SH3TC1: variants seen among roughly 807,000 people sequenced by gnomAD.
The protein encoded by SH3TC1 is SH3 domain and tetratricopeptide repeats 1.
A neutral mutation model predicts 117.3 loss-of-function variants in SH3TC1; 135 were observed. The ratio of observed to expected loss-of-function variants is 1.15; its 90% CI spans 1.00 to 1.33. SH3TC1 has a LOEUF of 1.33. SH3TC1 is among the 40% of genes most tolerant of loss of function. SH3TC1 has a pLI of 0.00. For missense variants in SH3TC1, 2,092 were observed against 1,794.3 expected (o/e 1.17, Z -3.00); for synonymous variants, 898 against 816.9 (o/e 1.10, Z -1.69).
Position 8,237,667 on chromosome 4 carries a change from G to T in SH3TC1, c.3750G>T (p.Leu1250=). ...TCGGTGACATCATCTTCTACGACCT[G>T]AAGGTGGGTGGGGAGGGGCTGGGCT... ...LVLGDIIFYD[L]KDPFDAAGYY... Residue 1250 remains leucine, a synonymous_variant, in exon 17 of 18, where the codon CTG becomes CTT. Coordinates refer to ENST00000245105, the MANE Select transcript of SH3TC1 (RefSeq NM_018986.5). 1 of 1,597,018 alleles carries T rather than the reference G, an allele frequency of 6.3e-7. No homozygotes were observed. The highest frequency in any genetic ancestry group is 8.6e-7 in the Non-Finnish European group (1 of 1,169,536).
intron 1 of SH3TC1, among the ~76,000 whole-genome samples, chr4:8,199,867 A>G (rs1409592267): frequency 6.6e-6 from 1 of 152,146 alleles, no homozygotes; most frequent in Non-Finnish European, 1.5e-5. Flanking sequence ...AGTGGCTATA[A>G]CTGGCCACTC....
Position 8,228,043 on chromosome 4 carries a change from G to A in SH3TC1, c.2349G>A (p.Ala783=), listed in dbSNP as rs781547650. ...CCCTGACCCCGGGCACAGGCCAGGC[G>A]CTGCGCGGCCCCCTCTACACCAGCT... The part of the protein sequence containing the change: ...LASLTPGTGQ[A]LRGPLYTSLA... Residue 783 remains alanine, a synonymous_variant, in exon 12 of 18, where the codon GCG becomes GCA. Coordinates refer to ENST00000245105, the MANE Select transcript of SH3TC1 (RefSeq NM_018986.5). The A allele has an allele frequency of 1.8e-5, 29 of 1,606,538 alleles. No individual in the cohort carries two copies. The Admixed American group carries it at 2.7e-4, about 15-fold the overall frequency.
chr4:8,226,882 C>T (rs1011839295), intron 11 of SH3TC1, 98 bp from the exon 12 acceptor site: 23 of 860,156 alleles, frequency 2.7e-5, no homozygotes, highest in Middle Eastern at 3.0e-4. Flanking sequence ...AGTGCTGCGC[C>T]GGGGACACAG....
intron 14 of SH3TC1, 92 bp downstream of exon 14, chr4:8,233,605 A>G (rs948082393): frequency 1.4e-6 from 2 of 1,411,560 alleles, no homozygotes; most frequent in Admixed American, 5.1e-5. Context: ...TGATCCTTCC[A>G]TCATCTATCC....
At chr4:8,187,934 G>A (rs991487937) in intron 1 of SH3TC1, among the ~76,000 whole-genome samples, 5 of 152,110 alleles carry the variant, frequency 3.3e-5, no homozygotes, top group African/African-American at 1.2e-4. Context: ...TTTGGCCACT[G>A]GGAGCTCTTT....
At position 8,228,717 on chromosome 4, in the gene SH3TC1, A is replaced by C. The variant is rs114395741; in HGVS notation, c.2950+73A>C. ...AGGGCACACCTGGGGTTTGTGATTC[A>C]GACACAAGCGGTGGTTTTTCCACCA... On this transcript the variant is annotated intron_variant, in intron 12 of 17. Coordinates refer to ENST00000245105, the MANE Select transcript of SH3TC1 (RefSeq NM_018986.5). 180 of 1,242,832 alleles carry C rather than the reference A, an allele frequency of 1.4e-4. 2 individuals are homozygous for C. In the African/African-American group the frequency reaches 2.5e-3, roughly 17 times the overall value. 77.0% of individuals were successfully genotyped at this position (1,242,832 alleles called of 1,614,324 possible). A position where few individuals can be genotyped will look rare whatever the true frequency, so the allele number is the denominator to read the frequency against.
At position 8,238,307 on chromosome 4, in the gene SH3TC1, G is replaced by T. The variant is rs559350140; in HGVS notation, c.3753+637G>T. Among the ~76,000 whole-genome samples, 10 of 152,328 alleles carry T rather than the reference G, an allele frequency of 6.6e-5. No individual in the cohort carries two copies. The East Asian group carries it at 1.9e-3, about 29-fold the overall frequency. ...AGACAGCCAGGCTGAGGCCTTGCTG[G>T]TCGGGTCTGTCTGGAGAGGAGGTGC... is the stretch of plus-strand genomic sequence containing the variant. On this transcript the variant is annotated intron_variant, in intron 17 of 17. Coordinates refer to ENST00000245105, the MANE Select transcript of SH3TC1 (RefSeq NM_018986.5).
At chr4:8,220,068 C>A (rs1441707500) in intron 9 of SH3TC1, among the ~76,000 whole-genome samples, 1 of 152,200 alleles carries the variant, frequency 6.6e-6, no homozygotes, top group African/African-American at 2.4e-5. Flanking sequence ...TCTCCTAGCA[C>A]CCATCCAACT....
chr4:8,184,785 C>T (rs906126183), intron 1 of SH3TC1, among the ~76,000 whole-genome samples: 5 of 152,022 alleles, frequency 3.3e-5, no homozygotes, highest in African/African-American at 7.3e-5. Context: ...GTGAGATTGT[C>T]GTATACATTT....
intron 2 of SH3TC1, among the ~76,000 whole-genome samples, chr4:8,207,895 A>T (rs34837247): frequency 0.04 from 6,050 of 152,150 alleles, 139 homozygotes; most frequent in South Asian, 0.11. Flanking sequence ...TTGGGCCGGA[A>T]CTCTATCAAC....
intron 13 of SH3TC1, 70 bp downstream of exon 13, chr4:8,232,226 G>A (rs935312710): frequency 1.0e-4 from 135 of 1,337,858 alleles, no homozygotes; most frequent in Admixed American, 4.6e-5. Flanking sequence ...GGGGGCACAG[G>A]GAAGCTGGCC....
At position 8,235,519 on chromosome 4, in the gene SH3TC1, G is replaced by C; in HGVS notation, c.3369G>C (p.Gly1123=). The C allele has an allele frequency of 6.2e-7, 1 of 1,606,838 alleles. No individual in the cohort carries two copies. Among genetic ancestry groups the C allele is most frequent in the South Asian group, 1.1e-5 (1 of 90,038 alleles). ...FEAAGDIFFD[G]AWEREKAVSF... Reference sequence around the variant, plus strand: ...CGGCTGGAGACATCTTCTTCGACGGGGCCTGGGAGCGGGAGAAAGCTGTGT... The same window carrying C: ...CGGCTGGAGACATCTTCTTCGACGGCGCCTGGGAGCGGGAGAAAGCTGTGT... Residue 1123 remains glycine (G), a synonymous_variant, in exon 15 of 18, where the codon GGG becomes GGC. Coordinates refer to ENST00000245105, the MANE Select transcript of SH3TC1 (RefSeq NM_018986.5).
intron 12 of SH3TC1, among the ~76,000 whole-genome samples, chr4:8,230,844 G>T (rs1721130656): frequency 6.8e-6 from 1 of 147,230 alleles, no homozygotes; most frequent in Non-Finnish European, 1.5e-5. Flanking sequence ...GTGCAGTGGT[G>T]CAATCTCGGC....
At chr4:8,200,867 G>A (rs1001012622) in intron 1 of SH3TC1, among the ~76,000 whole-genome samples, 2 of 152,210 alleles carry the variant, frequency 1.3e-5, no homozygotes, top group East Asian at 1.9e-4. Flanking sequence ...CCTCCTGCCC[G>A]GCTCCTCTGT....
chr4:8,222,944 C>A lies in SH3TC1; in HGVS notation c.1217C>A (p.Thr406Asn). The change falls in exon 10 of 18, where the codon ACC becomes AAC. Residue 406 changes from threonine (T) to asparagine (N), a missense_variant. Transcript: ENST00000245105. ...ARQLLRRMSG[T>N]DVCSVYSLDS... ...CAGTTGCTGAGGCGGATGTCGGGCA[C>A]CGATGTCTGCAGCGTGTACAGCCTG... 2 of 1,612,592 alleles carry A rather than the reference C, an allele frequency of 1.2e-6. No individual in the cohort carries two copies. The highest frequency in any genetic ancestry group is 1.7e-6 in the Non-Finnish European group (2 of 1,179,806).
Position 8,227,957 on chromosome 4 carries a change from G to T in SH3TC1, c.2263G>T (p.Ala755Ser), listed in dbSNP as rs1554137220. ...GAGTGTGAACCTGGTGCTCCAGAACGCCCCCCAGCCCCACAGCCTCCCTGC... is the reference window on the plus strand; with the variant it reads ...GAGTGTGAACCTGGTGCTCCAGAACTCCCCCCAGCCCCACAGCCTCCCTGC... The part of the protein sequence containing the change: ...LRSVNLVLQN[A>S]PQPHSLPAQT... The change falls in exon 12 of 18, where the codon GCC (alanine) becomes TCC (serine). Residue 755 changes from alanine to serine, a missense_variant. Transcript: ENST00000245105. The T allele has an allele frequency of 1.2e-6, 2 of 1,612,250 alleles. No homozygotes were observed.
At position 8,240,966 on chromosome 4, in the gene SH3TC1, C is replaced by CA; in HGVS notation, c.*13dup. On this transcript the variant is annotated 3_prime_UTR_variant, in exon 18 of 18. Transcript: ENST00000245105. ...AGCCACCCTCGCTGAGGACAGCATC[C>CA]AAGGGAGTGGGTTTTGTGCAAGGGC... 6.2e-7 allele frequency: 1 copy of CA among 1,606,344 alleles called. No individual in the cohort carries two copies. Among genetic ancestry groups the CA allele is most frequent in the South Asian group, 1.1e-5 (1 of 91,064 alleles).
At chr4:8,182,517 A>C (rs1216050678) in intron 1 of SH3TC1, among the ~76,000 whole-genome samples, 1 of 152,174 alleles carries the variant, frequency 6.6e-6, no homozygotes, top group Non-Finnish European at 1.5e-5. Flanking sequence ...CTGTCTCCCC[A>C]GGATCCCGAC....
In SH3TC1 at chr4:8,205,550, C is replaced by T. The variant is rs368159753; in HGVS notation, c.172+184C>T. ...TGTGTTTAACAGGAGCCACTGTGCCCGCTGAGTCACTTGAGAGGCCAGGGC... is the reference window on the plus strand; with the variant it reads ...TGTGTTTAACAGGAGCCACTGTGCCTGCTGAGTCACTTGAGAGGCCAGGGC... On this transcript the variant is annotated intron_variant, in intron 2 of 17. Coordinates refer to ENST00000245105, the MANE Select transcript of SH3TC1 (RefSeq NM_018986.5). The surrounding 1 kb of genome is among the most constrained non-coding windows in gnomAD (Gnocchi z 5.4). 16 of 887,014 alleles carry T rather than the reference C, an allele frequency of 1.8e-5. No homozygotes were observed. The highest frequency in any genetic ancestry group is 4.2e-4 in the Middle Eastern group (2 of 4,724). 54.9% of individuals were successfully genotyped at this position (887,014 alleles called of 1,614,324 possible). A position where few individuals can be genotyped will look rare whatever the true frequency, so the allele number is the denominator to read the frequency against.
Sources: allele counts gnomAD v4.1 joint callset (sites outside exome capture counted in the v4.1 genomes callset), GRCh38; gene constraint gnomAD v4.1.1; non-coding constraint Gnocchi (gnomAD v3.1); transcripts MANE v1.5; gene names NCBI Gene and HGNC (gene_info 2026-07-23, HGNC 2026-07-21).